The following AHNAK variants were observed in gnomAD, a reference collection of about 807,000 sequenced individuals.
AHNAK encodes AHNAK nucleoprotein, also known as neuroblast differentiation-associated protein AHNAK.
In AHNAK, 23 loss-of-function variants were observed where a neutral mutation model predicts 37.8. The observed-to-expected ratio is 0.61, with a 90% CI of 0.44 to 0.86. AHNAK has a LOEUF of 0.86. Among genes scored for constraint, AHNAK ranks in the 40% least tolerant of loss-of-function variants. AHNAK has a pLI of 0.00. For missense variants in AHNAK, 7,411 were observed against 7,319.4 expected, an observed-to-expected ratio of 1.01 and a Z score of -0.46; for synonymous variants, 2,481 against 2,636.3, an observed-to-expected ratio of 0.94 and a Z score of 1.80.
rs753548490 is a variant in AHNAK at position 62,528,826 on chromosome 11, A to G, written c.5591T>C (p.Leu1864Pro). 8.1e-6 allele frequency: 13 copies of G among 1,612,498 alleles called. No individual in the cohort carries two copies. Among genetic ancestry groups the G allele is most frequent in the African/African-American group, 1.3e-5 (1 of 74,566 alleles). ...KISMPDVDLH[L>P]KGPKVKGDAD... ...ATCCCCTTTGACTTTGGGGCCTTTC[A>G]GGTGTAAGTCCACATCAGGCATGGA... is the stretch of plus-strand genomic sequence containing the variant. Residue 1864 changes from leucine to proline, a missense_variant, in exon 5 of 5, where the codon CTG becomes CCG. By Grantham distance (98) the Leu-to-Pro change is moderately conservative. Coordinates refer to ENST00000378024, the MANE Select transcript of AHNAK (RefSeq NM_001620.3).
rs1334649328 is a variant in AHNAK, at chr11:62,519,685, A to G, written c.14732T>C (p.Ile4911Thr). 1 of 1,614,094 alleles carries G rather than the reference A, an allele frequency of 6.2e-7. No homozygotes were observed. The highest frequency in any genetic ancestry group is 1.7e-5 in the Admixed American group (1 of 60,000). ...AGGAGCAGTTACTTTAGGAGCAGAT[A>G]TCTCCAGCGATGGCATCTTCAAAGA... ...GPSLKMPSLEISAPKVTAPDV... is the reference protein window; with the variant it reads ...GPSLKMPSLETSAPKVTAPDV... Residue 4911 changes from isoleucine (I) to threonine (T), a missense_variant, in exon 5 of 5, where the codon ATA (isoleucine) becomes ACA (threonine). Coordinates refer to ENST00000378024, the MANE Select transcript of AHNAK (RefSeq NM_001620.3).
rs755171369 is a variant in AHNAK at position 62,518,463 on chromosome 11, A to T, written c.15954T>A (p.Ser5318=). 1 of 1,614,130 alleles carries T rather than the reference A, an allele frequency of 6.2e-7. No homozygotes were observed. The highest frequency in any genetic ancestry group is 8.5e-7 in the Non-Finnish European group (1 of 1,180,022). The change falls in exon 5 of 5, where the codon TCT becomes TCA. Residue 5318 remains serine, a synonymous_variant. Transcript: ENST00000378024. ...GAGCATGCACCTTCATGCTGGGAAC[A>T]GATGCATCCAGGTCTCCCTTCAAAC... The part of the protein sequence containing the change: ...GPSLKGDLDA[S]VPSMKVHAPG...
intron 5 of AHNAK, among the ~76,000 whole-genome samples, chr11:62,479,438 A>G (rs1939220109): frequency 6.7e-6 from 1 of 148,548 alleles, no homozygotes; most frequent in Non-Finnish European, 1.5e-5. Flanking sequence ...AAGTACTGGG[A>G]TTACGGGCGT....
intron 1 of AHNAK, among the ~76,000 whole-genome samples, chr11:62,542,442 ATCACCCCCTTCCCCT>A (rs985277209): frequency 2.7e-5 from 3 of 111,970 alleles, no homozygotes; most frequent in African/African-American, 1.0e-4. Flanking sequence ...TCCCCTCCCC[ATCACCCCCTTCCCCT>A]GGCCCCTCAC....
In AHNAK at chr11:62,533,876, T is replaced by G; in HGVS notation, c.541A>C (p.Lys181Gln). 1 of 1,614,208 alleles carries G rather than the reference T, an allele frequency of 6.2e-7. No homozygotes were observed. Among genetic ancestry groups the G allele is most frequent in the Non-Finnish European group, 8.5e-7 (1 of 1,180,032 alleles). Residue 181 changes from lysine to glutamine, a missense_variant, in exon 5 of 5, where the codon AAG becomes CAG. Transcript: ENST00000378024. ...KDIDISSPEFKIKIPRHELTE... is the reference protein window; with the variant it reads ...KDIDISSPEFQIKIPRHELTE... The stretch of plus-strand genomic sequence containing the variant: ...AGTTCATGTCTTGGAATCTTGATCT[T>G]GAATTCAGGGCTACTGATGTCTATG...
intron 5 of AHNAK, among the ~76,000 whole-genome samples, chr11:62,453,920 A>C (rs1393128736): frequency 1.3e-5 from 2 of 151,830 alleles, no homozygotes; most frequent in Non-Finnish European, 2.9e-5. Flanking sequence ...CAGCCTGACC[A>C]ACATGGTGAA....
At chr11:62,463,908 C>T (rs976723321) in intron 5 of AHNAK, among the ~76,000 whole-genome samples, 21 of 150,358 alleles carry the variant, frequency 1.4e-4, no homozygotes, top group African/African-American at 3.6e-4. Context: ...GAATTACAGG[C>T]GCCCGCCACC....
chr11:62,451,374 G>A (rs867387569), intron 5 of AHNAK, among the ~76,000 whole-genome samples: 1 of 150,780 alleles, frequency 6.6e-6, no homozygotes, highest in Admixed American at 6.6e-5. Context: ...AGCCTGGCAG[G>A]ATGGCTGCCA....
chr11:62,480,803 T>TAAAAAAAAAAAA (rs1172126377), intron 5 of AHNAK, among the ~76,000 whole-genome samples: 16 of 44,492 alleles, frequency 3.6e-4, no homozygotes, highest in African/African-American at 8.6e-4. Flanking sequence ...TGCGTGCAGT[T>TAAAAAAAAAAAA]AAAAAAAAAA....
rs201827546 is a variant in AHNAK at position 62,525,673 on chromosome 11, T to G, written c.8744A>C (p.Asp2915Ala). ...PGFKAEGPEV[D>A]VNLPKADVDV... ...AACGTCAGCCTTGGGCAGGTTCACA[T>G]CCACTTCAGGGCCCTCTGCTTTGAA... Residue 2915 changes from aspartate (D) to alanine (A), a missense_variant, in exon 5 of 5, where the codon GAT becomes GCT. Asp to Ala is a moderately radical substitution (Grantham distance 126). Coordinates refer to ENST00000378024, the MANE Select transcript of AHNAK (RefSeq NM_001620.3). The G allele has an allele frequency of 1.5e-5, 25 of 1,613,434 alleles. No individual in the cohort carries two copies. Among genetic ancestry groups the G allele is most frequent in the Non-Finnish European group, 2.0e-5 (24 of 1,179,926 alleles).
At chr11:62,546,212 T>TCGCGGAGG (rs549152319) in intron 1 of AHNAK, 6 of 154,322 alleles carry the variant, frequency 3.9e-5, no homozygotes, top group Non-Finnish European at 8.5e-5. Flanking sequence ...CGGTGCGGGG[T>TCGCGGAGG]CGCGGAGGCG....
intron 1 of AHNAK, among the ~76,000 whole-genome samples, chr11:62,542,985 C>T (rs1215546297): frequency 2.0e-5 from 3 of 152,168 alleles, no homozygotes; most frequent in Non-Finnish European, 2.9e-5. Context: ...CAGGCCGCTC[C>T]GGCTCTGTCG....
At chr11:62,492,589 C>G (rs1035454595) in intron 4 of AHNAK, among the ~76,000 whole-genome samples, 3 of 152,174 alleles carry the variant, frequency 2.0e-5, no homozygotes, top group Non-Finnish European at 4.4e-5. Flanking sequence ...CTCTTCCCAG[C>G]AGGATGCAGT....
chr11:62,466,309 G>A (rs993935734), intron 5 of AHNAK, among the ~76,000 whole-genome samples: 2 of 151,966 alleles, frequency 1.3e-5, no homozygotes, highest in African/African-American at 4.8e-5. Flanking sequence ...AACAGAGCAA[G>A]ACTCTGTCTC....
At position 62,519,369 on chromosome 11, in the gene AHNAK, G is replaced by A. The variant is rs147547210; in HGVS notation, c.15048C>T (p.Gly5016=). The change falls in exon 5 of 5, where the codon GGC becomes GGT. Residue 5016 remains glycine (G), a synonymous_variant. Coordinates refer to ENST00000378024, the MANE Select transcript of AHNAK (RefSeq NM_001620.3). ...NLETPEISVG[G]KGKKSKFKMP... ...TTTTAAACTTACTTTTCTTGCCCTT[G>A]CCACCAACACTAATTTCAGGAGTCT... 1 of 1,613,952 alleles carries A rather than the reference G, an allele frequency of 6.2e-7. No individual in the cohort carries two copies. Among genetic ancestry groups the A allele is most frequent in the East Asian group, 2.2e-5 (1 of 44,878 alleles).
At chr11:62,445,596 G>A (rs10897278) in intron 5 of AHNAK, among the ~76,000 whole-genome samples, 44,061 of 152,082 alleles carry the variant, frequency 0.29, 8,320 homozygotes, top group East Asian at 0.65. Context: ...GCTCAGGCCT[G>A]TAATCCCAGC....
chr11:62,491,798 C>T (rs368820172), exon 5 of AHNAK: 112 of 1,612,782 alleles, frequency 6.9e-5, no homozygotes, highest in Non-Finnish European at 9.1e-5. Context: ...TTGTTCTGGT[C>T]TTTGCATTCC....
At chr11:62,495,911 T>A (rs1475692718) in intron 4 of AHNAK, among the ~76,000 whole-genome samples, 1 of 151,506 alleles carries the variant, frequency 6.6e-6, no homozygotes, top group Non-Finnish European at 1.5e-5. Flanking sequence ...TAGCCAGGCA[T>A]GGTGGTATAT....
chr11:62,527,894 G>A lies in AHNAK; in HGVS notation c.6523C>T (p.Pro2175Ser). 1 of 1,613,214 alleles carries A rather than the reference G, an allele frequency of 6.2e-7. No homozygotes were observed. The highest frequency in any genetic ancestry group is 8.5e-7 in the Non-Finnish European group (1 of 1,179,776). ...TTGGGGGTCTTGAAGTGCATCTCAG[G>A]CATCTTAAACTTGGGCCCTTTCAAC... Reference protein sequence around the residue: ...AKLKGPKFKMPEMHFKTPKIS... With the variant: ...AKLKGPKFKMSEMHFKTPKIS... The change falls in exon 5 of 5, where the codon CCT becomes TCT. Residue 2175 changes from proline to serine, a missense_variant. Coordinates refer to ENST00000378024, the MANE Select transcript of AHNAK (RefSeq NM_001620.3).
Sources: gnomAD v4.1 joint callset for allele counts (sites outside exome capture counted in the v4.1 genomes callset) on GRCh38, gnomAD v4.1.1 for gene constraint, MANE v1.5 for transcripts, NCBI Gene and HGNC (gene_info 2026-07-23, HGNC 2026-07-21) for gene names.